ITGBL1: variants seen among roughly 807,000 people sequenced by gnomAD.
ITGBL1 encodes integrin subunit beta like 1.
Under a neutral mutation model 68.5 loss-of-function variants are expected in ITGBL1, and 51 were observed. The observed-to-expected ratio is 0.74, with a 90% confidence interval of 0.59 to 0.94. The LOEUF (loss-of-function observed/expected upper bound fraction) is 0.94. Ranked by LOEUF, ITGBL1 falls within the 40% of genes least tolerant of loss-of-function variation. The probability of loss-of-function intolerance (pLI) is 0.00; values close to 1 mark genes in which losing one functional copy is unlikely to be tolerated. For missense variants in ITGBL1, 649 were observed against 647.4 expected (o/e 1.00, Z -0.03); for synonymous variants, 209 against 227.3 (o/e 0.92, Z 0.72).
At chr13:101,684,765 C>T (rs1254009643) in intron 7 of ITGBL1, among the ~76,000 whole-genome samples, 1 of 151,884 alleles carries the variant, frequency 6.6e-6, no homozygotes, top group Non-Finnish European at 1.5e-5. Context: ...TTATCTTTCT[C>T]TTATTCCTAA....
chr13:101,700,484 T>A (rs1233143062), intron 8 of ITGBL1, among the ~76,000 whole-genome samples: 2 of 152,214 alleles, frequency 1.3e-5, no homozygotes, highest in Non-Finnish European at 2.9e-5. Flanking sequence ...AACTTCCCCA[T>A]ATTCATTCCT....
rs200235167 is a variant in ITGBL1 at position 101,472,758 on chromosome 13, T to A, written c.316+18658T>A. Among the ~76,000 whole-genome samples, 5 of 152,292 alleles carry A rather than the reference T, an allele frequency of 3.3e-5. No homozygotes were observed. The East Asian group carries it at 7.7e-4, about 24-fold the overall frequency. ...GAGGAACTTTAATTCCTTTAGGAACTAATATTTCCATAAAGTTTCATCAAT... is the reference window on the plus strand; with the variant it reads ...GAGGAACTTTAATTCCTTTAGGAACAAATATTTCCATAAAGTTTCATCAAT... On this transcript the variant is annotated intron_variant, in intron 2 of 10. Transcript: ENST00000376180.
At chr13:101,568,713 G>C (rs1386838990) in intron 3 of ITGBL1, among the ~76,000 whole-genome samples, 1 of 152,046 alleles carries the variant, frequency 6.6e-6, no homozygotes, top group Non-Finnish European at 1.5e-5. Context: ...CTTCACGAAT[G>C]AGTACCTTTC....
chr13:101,511,552 G>A (rs2049115976), intron 2 of ITGBL1, among the ~76,000 whole-genome samples: 1 of 152,062 alleles, frequency 6.6e-6, no homozygotes, highest in Admixed American at 6.6e-5. Context: ...TTACTGGGTG[G>A]GGTTGACCTA....
intron 7 of ITGBL1, among the ~76,000 whole-genome samples, chr13:101,678,753 G>T (rs1177794547): frequency 6.6e-6 from 1 of 151,864 alleles, no homozygotes; most frequent in East Asian, 1.9e-4. Context: ...CACTGCTTTG[G>T]CCTCCCAAAG....
At chr13:101,670,023 A>T (rs967836315) in intron 7 of ITGBL1, among the ~76,000 whole-genome samples, 2 of 151,774 alleles carry the variant, frequency 1.3e-5, no homozygotes, top group African/African-American at 2.4e-5. Flanking sequence ...TCCAGTTGTT[A>T]CTCTGCCACT....
intron 8 of ITGBL1, among the ~76,000 whole-genome samples, chr13:101,705,535 C>A (rs2034243384): frequency 6.6e-6 from 1 of 151,974 alleles, no homozygotes; most frequent in Non-Finnish European, 1.5e-5. Context: ...GCTCTCAATT[C>A]TCACAGCCAT....
intron 3 of ITGBL1, among the ~76,000 whole-genome samples, chr13:101,569,057 CA>C (rs1226718270): frequency 6.7e-5 from 10 of 150,126 alleles, no homozygotes; most frequent in African/African-American, 2.0e-4. Flanking sequence ...CACACACACA[CA>C]CACACACACA....
intron 2 of ITGBL1, among the ~76,000 whole-genome samples, chr13:101,521,248 C>A (rs2049279106): frequency 6.6e-6 from 1 of 152,132 alleles, no homozygotes; most frequent in Non-Finnish European, 1.5e-5. Flanking sequence ...AAGCATTTTT[C>A]TAGAAGCAAG....
chr13:101,526,055 A>G (rs1169571857), intron 2 of ITGBL1, among the ~76,000 whole-genome samples: 2 of 151,706 alleles, frequency 1.3e-5, no homozygotes, highest in African/African-American at 4.8e-5. Flanking sequence ...TTTCACTCTT[A>G]CCTTTAGATT....
chr13:101,580,141 T>C (rs1254714869), intron 5 of ITGBL1, among the ~76,000 whole-genome samples: 1 of 152,180 alleles, frequency 6.6e-6, no homozygotes, highest in East Asian at 1.9e-4. Context: ...AAAGTTTTCA[T>C]TGCCTATCCA....
chr13:101,574,548 A>G (rs1418331191), intron 3 of ITGBL1, among the ~76,000 whole-genome samples: 1 of 152,052 alleles, frequency 6.6e-6, no homozygotes, highest in East Asian at 1.9e-4. Flanking sequence ...TTCCCGTTGG[A>G]TTTTCAGAGT....
Position 101,589,597 on chromosome 13 carries a change from G to A in ITGBL1, c.868+6241G>A, listed in dbSNP as rs1397880191. On this transcript the variant is annotated intron_variant, in intron 6 of 10. Transcript: ENST00000376180. ...CATTGGCCATCTTGAACTAAACAAT[G>A]TTCTCCCACTTTGATACTTTCCTGT... 3.3e-5 allele frequency among the ~76,000 whole-genome samples: 5 copies of A among 152,138 alleles called. No individual in the cohort carries two copies. In the South Asian group the frequency reaches 1.0e-3, roughly 31 times the overall value.
In ITGBL1 at chr13:101,671,440, TTTTTTTG is replaced by T. The variant is rs1566784493; in HGVS notation, c.1016-21138_1016-21132del. Among the ~76,000 whole-genome samples, 18 of 93,818 alleles carry T rather than the reference TTTTTTTG, an allele frequency of 1.9e-4. 4 individuals carry two copies. The highest frequency in any genetic ancestry group is 1.4e-3 in the South Asian group (3 of 2,168). The allele number at this position is 93,818 out of a possible 152,430, so 61.5% of individuals were successfully genotyped here. Reference sequence around the variant, plus strand: ...AGTATACCTTTGTTTTTTTTTTGTTTTTTTTTGTTTTTTTTTGAGACGGAGTCTCGCT... The same window carrying T: ...AGTATACCTTTGTTTTTTTTTTGTTTTTTTTTTTTGAGACGGAGTCTCGCT... On this transcript the variant is annotated intron_variant, in intron 7 of 10. Coordinates refer to ENST00000376180, the MANE Select transcript of ITGBL1 (RefSeq NM_004791.3).
chr13:101,533,404 A>G (rs147942046), intron 2 of ITGBL1, among the ~76,000 whole-genome samples: 8 of 152,222 alleles, frequency 5.3e-5, no homozygotes, highest in African/African-American at 1.9e-4. Context: ...GTCTTCAAAC[A>G]AAGCTCTGTG....
chr13:101,485,620 G>A lies in ITGBL1; in HGVS notation c.316+31520G>A, dbSNP rs146415702. Reference sequence around the variant, plus strand: ...GAGATCGAGACCACAGTGAAACCCCGTCTCTACTAAAAATACAAAAAATTA... The same window carrying A: ...GAGATCGAGACCACAGTGAAACCCCATCTCTACTAAAAATACAAAAAATTA... On this transcript the variant is annotated intron_variant, in intron 2 of 10. Coordinates refer to ENST00000376180, the MANE Select transcript of ITGBL1 (RefSeq NM_004791.3). 8.1e-3 allele frequency among the ~76,000 whole-genome samples: 1,233 copies of A among 152,088 alleles called. 8 individuals carry two copies. Among genetic ancestry groups the A allele is most frequent in the Middle Eastern group, 0.031 (9 of 294 alleles).
chr13:101,475,447 G>T (rs1199321880), intron 2 of ITGBL1, among the ~76,000 whole-genome samples: 1 of 151,990 alleles, frequency 6.6e-6, no homozygotes, highest in African/African-American at 2.4e-5. Flanking sequence ...GCCTCAAAAG[G>T]GTAAATCTAA....
chr13:101,645,290 G>C (rs866649118), intron 7 of ITGBL1, among the ~76,000 whole-genome samples: 7 of 152,128 alleles, frequency 4.6e-5, no homozygotes, highest in African/African-American at 1.4e-4. Context: ...AAAATGCCAA[G>C]GGAAAACAAA....
intron 6 of ITGBL1, among the ~76,000 whole-genome samples, chr13:101,589,982 T>C (rs1013884749): frequency 6.6e-6 from 1 of 152,120 alleles, no homozygotes; most frequent in African/African-American, 2.4e-5. Flanking sequence ...AATAGAATTA[T>C]GTTAGGGGAA....
Sources: gnomAD v4.1 joint callset for allele counts (sites outside exome capture counted in the v4.1 genomes callset) on GRCh38, gnomAD v4.1.1 for gene constraint, MANE v1.5 for transcripts, NCBI Gene and HGNC (gene_info 2026-07-23, HGNC 2026-07-21) for gene names.